Variants in FUT8 observed in about 807,000 individuals in gnomAD.
The protein encoded by FUT8 is alpha-(1,6)-fucosyltransferase.
In FUT8, 29 loss-of-function variants were observed where a neutral mutation model predicts 71.3. The ratio of observed to expected loss-of-function variants is 0.41; its 90% confidence interval spans 0.30 to 0.55. The LOEUF (loss-of-function observed/expected upper bound fraction) is 0.55. Among genes scored for constraint, FUT8 ranks in the 20% least tolerant of loss-of-function variants. FUT8 has a pLI of 0.34. For synonymous variants in FUT8, 254 were observed against 239.3 expected (o/e 1.06, Z -0.57); for missense variants, 544 against 702.1 (o/e 0.77, Z 2.55).
chr14:65,510,469 C>T (rs1311963988), intron 2 of FUT8, among the ~76,000 whole-genome samples: 2 of 152,074 alleles, frequency 1.3e-5, no homozygotes, highest in Non-Finnish European at 2.9e-5. Flanking sequence ...TATTCCCCCT[C>T]CTCTATTTTT....
At chr14:65,625,291 A>G (rs1156914042) in intron 5 of FUT8, among the ~76,000 whole-genome samples, 2 of 152,154 alleles carry the variant, frequency 1.3e-5, no homozygotes, top group East Asian at 1.9e-4. Flanking sequence ...CTATAGCCCT[A>G]TTATAGTTAA....
intron 2 of FUT8, among the ~76,000 whole-genome samples, chr14:65,511,126 G>T (rs550336149): frequency 6.6e-6 from 1 of 152,106 alleles, no homozygotes; most frequent in South Asian, 2.1e-4. Flanking sequence ...TTTGTTTCAA[G>T]GAAGTTTTCA....
At chr14:65,569,307 A>C (rs1886357515) in intron 3 of FUT8, among the ~76,000 whole-genome samples, 1 of 151,834 alleles carries the variant, frequency 6.6e-6, no homozygotes, top group Admixed American at 6.6e-5. Flanking sequence ...TTCTGAAGCC[A>C]TTATTTTTTA....
intron 2 of FUT8, among the ~76,000 whole-genome samples, chr14:65,508,076 T>TC (rs1165611511): frequency 9.3e-6 from 1 of 107,914 alleles, no homozygotes; most frequent in East Asian, 2.9e-4. Flanking sequence ...ACTTTTTTTT[T>TC]TTTTTTTTTG....
intron 2 of FUT8, among the ~76,000 whole-genome samples, chr14:65,560,145 C>G (rs1885830939): frequency 6.6e-6 from 1 of 152,070 alleles, no homozygotes; most frequent in South Asian, 2.1e-4. Context: ...GCCCTGTGCT[C>G]TGATTTTTGA....
chr14:65,679,165 G>T (rs1429487417), intron 7 of FUT8, among the ~76,000 whole-genome samples: 1 of 152,206 alleles, frequency 6.6e-6, no homozygotes, highest in East Asian at 1.9e-4. Context: ...GAAATCAAGT[G>T]TAGGAGTTGG....
chr14:65,579,597 C>T (rs1886967132), intron 3 of FUT8, among the ~76,000 whole-genome samples: 1 of 152,038 alleles, frequency 6.6e-6, no homozygotes, highest in Admixed American at 6.6e-5. Context: ...TGGGAAGAAA[C>T]CACATACTGT....
intron 2 of FUT8, among the ~76,000 whole-genome samples, chr14:65,476,957 A>G (rs1018696196): frequency 1.3e-5 from 2 of 152,230 alleles, no homozygotes; most frequent in Non-Finnish European, 2.9e-5. Context: ...TGTAAATTAT[A>G]TACTGGATGA....
At chr14:65,439,938 A>ATG (rs543440132) in intron 1 of FUT8, among the ~76,000 whole-genome samples, 5,132 of 73,972 alleles carry the variant, frequency 0.069, 504 homozygotes, top group African/African-American at 0.13. Flanking sequence ...GATAAAGAAA[A>ATG]TGTGTGTGTG....
At chr14:65,436,261 T>C (rs1566745659) in intron 1 of FUT8, among the ~76,000 whole-genome samples, 2 of 151,606 alleles carry the variant, frequency 1.3e-5, no homozygotes, top group South Asian at 2.1e-4. Flanking sequence ...CTGGGCAACA[T>C]AGCAAGACCC....
At chr14:65,381,445 A>G in the FUT8 span, among the ~76,000 whole-genome samples, 8 of 152,214 alleles carry the variant, frequency 5.3e-5, no homozygotes, top group Non-Finnish European at 8.8e-5. Context: ...TTTGCTTCTT[A>G]TTCCATCTGA....
rs1363410120 is a variant in FUT8, at chr14:65,561,682, G to C, written c.119G>C (p.Ser40Thr). The C allele has an allele frequency of 4.3e-6, 7 of 1,613,372 alleles. No homozygotes were observed. In the African/African-American group the frequency reaches 8.0e-5, roughly 18 times the overall value. The change falls in exon 3 of 11, where the codon AGC (serine) becomes ACC (threonine). Residue 40 changes from serine (S) to threonine (T), a missense_variant. Physicochemically the swap from Ser to Thr is moderately conservative, Grantham distance 58. Transcript: ENST00000673929. ...VRDNDHPDHS[S>T]RELSKILAKL... ...GATAATGACCATCCTGATCACTCTAGCCGAGAACTGTCCAAGATTCTGGCA... is the reference window on the plus strand; with the variant it reads ...GATAATGACCATCCTGATCACTCTACCCGAGAACTGTCCAAGATTCTGGCA...
At chr14:65,715,268 T>C (rs1262776646) in intron 7 of FUT8, among the ~76,000 whole-genome samples, 3 of 152,220 alleles carry the variant, frequency 2.0e-5, no homozygotes, top group African/African-American at 7.2e-5. Flanking sequence ...CTCAGTTTTT[T>C]AAGGGTTTTT....
chr14:65,604,503 T>C (rs1382023987), intron 3 of FUT8, among the ~76,000 whole-genome samples: 3 of 151,938 alleles, frequency 2.0e-5, no homozygotes, highest in Non-Finnish European at 4.4e-5. Context: ...TGAATGATCA[T>C]TGGGTCAACA....
At chr14:65,416,451 C>T (rs2065220460) in intron 1 of FUT8, among the ~76,000 whole-genome samples, 1 of 151,928 alleles carries the variant, frequency 6.6e-6, no homozygotes, top group South Asian at 2.1e-4. Context: ...CCACAGCCAG[C>T]TTTATTATAG....
chr14:65,531,873 T>A (rs1883979773), intron 2 of FUT8, among the ~76,000 whole-genome samples: 1 of 152,206 alleles, frequency 6.6e-6, no homozygotes. Context: ...CATGTGGTAT[T>A]TGGTTTTCTG....
At chr14:65,614,663 A>G (rs902901925) in intron 3 of FUT8, among the ~76,000 whole-genome samples, 2 of 152,176 alleles carry the variant, frequency 1.3e-5, no homozygotes, top group Admixed American at 1.3e-4. Flanking sequence ...TCCATCTTCA[A>G]AGCTAACAGC....
At chr14:65,371,139 T>A in the FUT8 span, among the ~76,000 whole-genome samples, 1 of 152,346 alleles carries the variant, frequency 6.6e-6, no homozygotes, top group Admixed American at 6.5e-5. Context: ...TTTCCATTTC[T>A]CAGTTGTCTT....
chr14:65,742,047 G>T (rs986742668), intron 10 of FUT8, 46 bp from the exon 11 acceptor site: 4 of 1,513,496 alleles, frequency 2.6e-6, no homozygotes, highest in Non-Finnish European at 1.8e-6. Context: ...TTGCTGTGAA[G>T]GAGAGTGTTT....
Sources: gnomAD v4.1 joint callset for allele counts (sites outside exome capture counted in the v4.1 genomes callset) on GRCh38, gnomAD v4.1.1 for gene constraint, MANE v1.5 for transcripts, NCBI Gene and HGNC (gene_info 2026-07-23, HGNC 2026-07-21) for gene names.